The following TM9SF3 variants were observed in gnomAD, a reference collection of about 807,000 sequenced individuals.
The protein encoded by TM9SF3 is SM-11044-binding protein.
A neutral mutation model predicts 78.6 loss-of-function variants in TM9SF3; 14 were observed. That is an observed-to-expected ratio of 0.18 (90% CI 0.12 to 0.28). TM9SF3 has a LOEUF of 0.28. Among genes scored for constraint, TM9SF3 ranks in the 10% least tolerant of loss-of-function variants. TM9SF3 has a pLI of 1.00. For missense variants in TM9SF3, 496 were observed against 721.9 expected, an observed-to-expected ratio of 0.69 and a Z score of 3.59; for synonymous variants, 231 against 241.7, an observed-to-expected ratio of 0.96 and a Z score of 0.41.
intron 9 of TM9SF3, among the ~76,000 whole-genome samples, chr10:96,542,003 C>T (rs572409325): frequency 6.6e-6 from 1 of 152,312 alleles, no homozygotes; most frequent in East Asian, 1.9e-4. Context: ...AAGCCCTGAG[C>T]ATTAAAATTT....
intron 1 of TM9SF3, among the ~76,000 whole-genome samples, chr10:96,585,929 T>A (rs954893625): frequency 6.6e-6 from 1 of 152,196 alleles, no homozygotes; most frequent in Non-Finnish European, 1.5e-5. Context: ...CACGTTTTGA[T>A]GTGAGAATAC....
At position 96,551,407 on chromosome 10, in the gene TM9SF3, C is replaced by T; in HGVS notation, c.797G>A (p.Arg266Lys). The T allele has an allele frequency of 1.3e-6, 2 of 1,599,316 alleles. No individual in the cohort carries two copies. The highest frequency in any genetic ancestry group is 1.7e-6 in the Non-Finnish European group (2 of 1,173,454). The change falls in exon 7 of 15, where the codon AGA (arginine) becomes AAA (lysine). Residue 266 changes from arginine to lysine, a missense_variant. Around this residue, in one of 4 missense-constraint regions of TM9SF3, gnomAD observed 280 missense variants for 422.6 expected, o/e 0.66. Transcript: ENST00000371142. The part of the protein sequence containing the change: ...SKEEEMDDMD[R>K]DLGDEYGWKQ... Reference sequence around the variant, plus strand: ...CCATCCATATTCATCTCCTAGGTCTCTATCCTATATACAAATATATATATA... The same window carrying T: ...CCATCCATATTCATCTCCTAGGTCTTTATCCTATATACAAATATATATATA...
chr10:96,569,466 T>C (rs1031697164), intron 2 of TM9SF3, among the ~76,000 whole-genome samples: 1 of 152,160 alleles, frequency 6.6e-6, no homozygotes, highest in Non-Finnish European at 1.5e-5. Context: ...AAAACTGATA[T>C]ATTCACAGTT....
intron 9 of TM9SF3, among the ~76,000 whole-genome samples, chr10:96,537,392 T>A (rs1180213482): frequency 3.3e-5 from 5 of 152,202 alleles, no homozygotes; most frequent in Non-Finnish European, 7.3e-5. Context: ...TAGCCTAGGT[T>A]TGTAGGAGGC....
intron 9 of TM9SF3, among the ~76,000 whole-genome samples, chr10:96,539,838 C>A (rs1158426556): frequency 2.0e-5 from 3 of 152,048 alleles, no homozygotes; most frequent in Non-Finnish European, 4.4e-5. Context: ...AGAACAAAAA[C>A]CTATCATCAC....
chr10:96,525,202 A>G (rs1368858487), intron 14 of TM9SF3, among the ~76,000 whole-genome samples: 2 of 152,040 alleles, frequency 1.3e-5, no homozygotes, highest in Non-Finnish European at 2.9e-5. Context: ...CCAGTGAACA[A>G]TACTCTGAAG....
rs548846829 is a variant in TM9SF3, at chr10:96,554,950, C to T, written c.661-1891G>A. On this transcript the variant is annotated intron_variant, in intron 5 of 14. Coordinates refer to ENST00000371142, the MANE Select transcript of TM9SF3 (RefSeq NM_020123.4). ...AAGCATGTATTTTTCTTCAAAATGA[C>T]TTGTATCTATCCATTCTGCTTCATT... Among the ~76,000 whole-genome samples, 205 of 151,916 alleles carry T rather than the reference C, an allele frequency of 1.3e-3. 1 individual carries two copies. Among genetic ancestry groups the T allele is most frequent in the Non-Finnish European group, 4.0e-4 (27 of 67,930 alleles).
intron 9 of TM9SF3, among the ~76,000 whole-genome samples, chr10:96,541,730 A>G (rs1389102414): frequency 6.6e-6 from 1 of 152,224 alleles, no homozygotes; most frequent in African/African-American, 2.4e-5. Context: ...GATCACCCAG[A>G]AAAAGGCCTC....
chr10:96,577,254 A>AC (rs1037559841), intron 1 of TM9SF3, among the ~76,000 whole-genome samples: 4 of 151,484 alleles, frequency 2.6e-5, no homozygotes, highest in African/African-American at 4.8e-5. Flanking sequence ...AAAAAAAAAA[A>AC]ACCTAATGTT....
chr10:96,571,318 G>A (rs1848434488), intron 2 of TM9SF3, among the ~76,000 whole-genome samples: 1 of 152,160 alleles, frequency 6.6e-6, no homozygotes, highest in African/African-American at 2.4e-5. Context: ...CCTTCATACA[G>A]CTAGACACAT....
chr10:96,566,340 T>C (rs533484463), intron 2 of TM9SF3, among the ~76,000 whole-genome samples: 1 of 151,890 alleles, frequency 6.6e-6, no homozygotes, highest in African/African-American at 2.4e-5. Context: ...AACTTTTTAT[T>C]GATCAAAAGT....
In TM9SF3 at chr10:96,530,601, C is replaced by G; in HGVS notation, c.1333G>C (p.Glu445Gln). ...RPIPEKKWFM[E>Q]PAVIVCLGGI... Reference sequence around the variant, plus strand: ...CCCAGGCAAACAATAACCGCAGGCTCCATGAACCTGGAAAATATTAAAATT... The same window carrying G: ...CCCAGGCAAACAATAACCGCAGGCTGCATGAACCTGGAAAATATTAAAATT... Residue 445 changes from glutamate to glutamine, a missense_variant, in exon 11 of 15, where the codon GAG becomes CAG. Physicochemically the swap from Glu to Gln is conservative, Grantham distance 29 (BLOSUM62 2). Transcript: ENST00000371142. The G allele has an allele frequency of 6.2e-7, 1 of 1,610,264 alleles. No homozygotes were observed. The highest frequency in any genetic ancestry group is 8.5e-7 in the Non-Finnish European group (1 of 1,178,492).
Position 96,528,183 on chromosome 10 carries a change from T to A in TM9SF3, c.1395-6A>T. 6.2e-7 allele frequency: 1 copy of A among 1,606,822 alleles called. No homozygotes were observed. The highest frequency in any genetic ancestry group is 1.1e-5 in the South Asian group (1 of 89,920). ...AAGACGTGAAGATGAAATACCTAAG[T>A]AAATGCAATAAAGACACAGGTTTCC... On this transcript the variant is annotated splice_region_variant and splice_polypyrimidine_tract_variant and intron_variant, in intron 11 of 14. Coordinates refer to ENST00000371142, the MANE Select transcript of TM9SF3 (RefSeq NM_020123.4).
At chr10:96,533,458 CT>C (rs1420168791) in intron 9 of TM9SF3, among the ~76,000 whole-genome samples, 2 of 152,096 alleles carry the variant, frequency 1.3e-5, no homozygotes, top group African/African-American at 4.8e-5. Flanking sequence ...GCCACAATCC[CT>C]TTTTCTCCTC....
At chr10:96,534,417 T>C (rs1418520336) in intron 9 of TM9SF3, among the ~76,000 whole-genome samples, 1 of 152,208 alleles carries the variant, frequency 6.6e-6, no homozygotes, top group Non-Finnish European at 1.5e-5. Context: ...GTTTTTAAGA[T>C]AGTTTAAGCA....
At chr10:96,532,394 C>G (rs1376318845) in intron 10 of TM9SF3, among the ~76,000 whole-genome samples, 2 of 146,636 alleles carry the variant, frequency 1.4e-5, no homozygotes, top group African/African-American at 2.5e-5. Flanking sequence ...CTAGAAGGGA[C>G]AGAGCAAAAT....
chr10:96,574,046 T>C (rs1848469574), intron 2 of TM9SF3, among the ~76,000 whole-genome samples: 1 of 152,128 alleles, frequency 6.6e-6, no homozygotes, highest in African/African-American at 2.4e-5. Flanking sequence ...CCAAAAGCAA[T>C]GGCAATAAAA....
chr10:96,549,237 G>A (rs1190752772), intron 7 of TM9SF3, among the ~76,000 whole-genome samples: 13 of 152,152 alleles, frequency 8.5e-5, no homozygotes, highest in Admixed American at 8.5e-4. Flanking sequence ...CAGAGGCAAA[G>A]TAATTTTTAC....
intron 1 of TM9SF3, among the ~76,000 whole-genome samples, chr10:96,583,725 G>A (rs1209932276): frequency 3.3e-5 from 5 of 150,596 alleles, no homozygotes; most frequent in Admixed American, 6.6e-5. Context: ...GTTAATAAGT[G>A]TAAAATACTT....
Sources: allele counts gnomAD v4.1 joint callset (sites outside exome capture counted in the v4.1 genomes callset), GRCh38; gene constraint gnomAD v4.1.1; regional missense constraint gnomAD v4.1.1; transcripts MANE v1.5; gene names NCBI Gene and HGNC (gene_info 2026-07-23, HGNC 2026-07-21).